Variants in NBEA observed in about 807,000 individuals in gnomAD.
NBEA encodes the protein lysosomal-trafficking regulator 2.
In NBEA, 44 loss-of-function variants were observed where a neutral mutation model predicts 343.4. The ratio of observed to expected loss-of-function variants is 0.13; its 90% CI spans 0.10 to 0.16. The LOEUF (loss-of-function observed/expected upper bound fraction) is 0.16. NBEA is among the 10% of genes least tolerant of loss of function. The probability of loss-of-function intolerance (pLI) is 1.00; values close to 1 mark genes in which losing one functional copy is unlikely to be tolerated. For missense variants in NBEA, 2,555 were observed against 3,631.3 expected (o/e 0.70, Z 7.62); for synonymous variants, 1,175 against 1,238.7 (o/e 0.95, Z 1.08).
intron 41 of NBEA, among the ~76,000 whole-genome samples, chr13:35,520,180 C>T (rs904540677): frequency 9.9e-5 from 15 of 152,182 alleles, no homozygotes; most frequent in African/African-American, 3.4e-4. Context: ...CATGGCTCAC[C>T]TCCTGCTGTA....
chr13:35,469,812 A>C (rs117082229), intron 40 of NBEA, among the ~76,000 whole-genome samples: 1 of 152,170 alleles, frequency 6.6e-6, no homozygotes, highest in South Asian at 2.1e-4. Context: ...CAGAGATGCT[A>C]TTCTTTGTAA....
chr13:35,536,907 G>A (rs1447765833), intron 41 of NBEA, among the ~76,000 whole-genome samples: 6 of 152,188 alleles, frequency 3.9e-5, no homozygotes, highest in African/African-American at 1.4e-4. Context: ...CACAGCATGT[G>A]GAAACTTTTC....
intron 48 of NBEA, among the ~76,000 whole-genome samples, chr13:35,614,633 A>AT (rs1374240238): frequency 5.3e-5 from 8 of 152,212 alleles, no homozygotes; most frequent in African/African-American, 1.9e-4. Context: ...GCCACTGCTG[A>AT]TTTGGAAGTT....
At chr13:34,997,750 C>T (rs2060987129) in intron 1 of NBEA, among the ~76,000 whole-genome samples, 1 of 152,132 alleles carries the variant, frequency 6.6e-6, no homozygotes, top group Non-Finnish European at 1.5e-5. Flanking sequence ...TTCCAATTTG[C>T]ATTCATTGTT....
chr13:35,416,601 G>A (rs2043924516), intron 38 of NBEA, among the ~76,000 whole-genome samples: 1 of 152,132 alleles, frequency 6.6e-6, no homozygotes, highest in Non-Finnish European at 1.5e-5. Flanking sequence ...TGATCGTGGT[G>A]GATAAGCTTT....
At chr13:35,119,746 C>T (rs538778204) in intron 16 of NBEA, among the ~76,000 whole-genome samples, 5 of 152,138 alleles carry the variant, frequency 3.3e-5, no homozygotes, top group East Asian at 1.9e-4. Context: ...CCACAATGCC[C>T]GGCTAATTTT....
intron 1 of NBEA, among the ~76,000 whole-genome samples, chr13:35,039,296 T>TGA (rs780426881): frequency 2.0e-5 from 3 of 152,146 alleles, no homozygotes; most frequent in Non-Finnish European, 4.4e-5. Context: ...TCTCTTTCAG[T>TGA]GATACGAGGT....
intron 45 of NBEA, among the ~76,000 whole-genome samples, chr13:35,569,892 G>A (rs1593248827): frequency 6.6e-6 from 1 of 152,180 alleles, no homozygotes; most frequent in South Asian, 2.1e-4. Context: ...AAGGCATCTG[G>A]TAACATATTT....
chr13:35,594,042 A>T (rs1176568394), intron 47 of NBEA, among the ~76,000 whole-genome samples: 1 of 152,112 alleles, frequency 6.6e-6, no homozygotes, highest in African/African-American at 2.4e-5. Flanking sequence ...AAATACAAGG[A>T]TTTGTTATTC....
chr13:35,232,561 T>C lies in NBEA; in HGVS notation c.5718T>C (p.Phe1906=), dbSNP rs368670981. 5.1e-6 allele frequency: 8 copies of C among 1,557,466 alleles called. No homozygotes were observed. Among genetic ancestry groups the C allele is most frequent in the Non-Finnish European group, 6.1e-6 (7 of 1,148,996 alleles). ...APLLREIFVD[F]APFLSRTLLG... ...TTCTTCGTGAAATTTTTGTAGACTT[T>C]GCCCCATTCCTATCTCGTACACTTC... The change falls in exon 34 of 59, where the codon TTT becomes TTC. Residue 1906 remains phenylalanine (F), a synonymous_variant. Transcript: ENST00000379939.
In NBEA at chr13:35,130,960, T is replaced by C. The variant is rs2067390054; in HGVS notation, c.2336+7386T>C. Among the ~76,000 whole-genome samples, 6 of 152,202 alleles carry C rather than the reference T, an allele frequency of 3.9e-5. No homozygotes were observed. In the South Asian group the frequency reaches 1.2e-3, roughly 32 times the overall value. ...TTAAAATTATGTATATTTACACTTG[T>C]GAGATTTGGTCTAAATGATACTAGA... On this transcript the variant is annotated intron_variant, in intron 17 of 58. Coordinates refer to ENST00000379939, the MANE Select transcript of NBEA (RefSeq NM_001385012.1).
intron 38 of NBEA, among the ~76,000 whole-genome samples, chr13:35,402,192 A>C (rs1412976342): frequency 6.6e-6 from 1 of 152,006 alleles, no homozygotes; most frequent in African/African-American, 2.4e-5. Flanking sequence ...TCTCGAAGTA[A>C]ATACTTAAAA....
intron 17 of NBEA, among the ~76,000 whole-genome samples, chr13:35,136,205 TC>T (rs1211026456): frequency 6.6e-6 from 1 of 152,220 alleles, no homozygotes; most frequent in Non-Finnish European, 1.5e-5. Context: ...TATCCTTCCC[TC>T]ATTTCTATCC....
intron 13 of NBEA, among the ~76,000 whole-genome samples, chr13:35,115,549 G>A (rs906298658): frequency 1.3e-5 from 2 of 151,932 alleles, no homozygotes; most frequent in African/African-American, 4.8e-5. Context: ...ATTTATGTAT[G>A]TATTACTAAT....
intron 33 of NBEA, among the ~76,000 whole-genome samples, chr13:35,214,232 A>G (rs1223322738): frequency 1.3e-5 from 2 of 151,972 alleles, no homozygotes; most frequent in Non-Finnish European, 2.9e-5. Flanking sequence ...CTTGGTGTGG[A>G]CATAAATTTT....
chr13:35,506,974 A>ATTCCC (rs2077094179), intron 41 of NBEA, among the ~76,000 whole-genome samples: 1 of 152,106 alleles, frequency 6.6e-6, no homozygotes, highest in African/African-American at 2.4e-5. Context: ...CCTTCTGGCT[A>ATTCCC]CTGTCCCCCT....
At chr13:35,546,106 G>A (rs749473704) in intron 41 of NBEA, among the ~76,000 whole-genome samples, 2 of 152,126 alleles carry the variant, frequency 1.3e-5, no homozygotes, top group Admixed American at 6.5e-5. Flanking sequence ...ACTGTGTATC[G>A]AACAGTAAAT....
At chr13:35,489,325 G>A (rs904270476) in intron 41 of NBEA, among the ~76,000 whole-genome samples, 22 of 151,680 alleles carry the variant, frequency 1.5e-4, no homozygotes, top group Admixed American at 6.6e-4. Context: ...ATGCACAAGC[G>A]GTCGTTTTAT....
intron 4 of NBEA, 130 bp downstream of exon 4, chr13:35,045,531 C>T: frequency 1.5e-6 from 1 of 676,014 alleles, no homozygotes; most frequent in Non-Finnish European, 2.4e-6. Context: ...AGTCATACAA[C>T]CACTACTATA....
Sources: allele counts gnomAD v4.1 joint callset (sites outside exome capture counted in the v4.1 genomes callset), GRCh38; gene constraint gnomAD v4.1.1; transcripts MANE v1.5; gene names NCBI Gene and HGNC (gene_info 2026-07-23, HGNC 2026-07-21).